The following STXBP5 variants were observed in gnomAD, a reference collection of about 807,000 sequenced individuals.
The protein encoded by STXBP5 is syntaxin-binding protein 5.
In STXBP5, 50 loss-of-function variants were observed where a neutral mutation model predicts 152.4. The ratio of observed to expected loss-of-function variants is 0.33; its 90% CI spans 0.26 to 0.42. The LOEUF (loss-of-function observed/expected upper bound fraction) is 0.42. Among genes scored for constraint, STXBP5 ranks in the 10% least tolerant of loss-of-function variants. The pLI, the probability that STXBP5 is intolerant of heterozygous loss-of-function variation, is 1.00. For missense variants in STXBP5, 1,167 were observed against 1,388.6 expected, an observed-to-expected ratio of 0.84 and a Z score of 2.54; for synonymous variants, 492 against 494.7, an observed-to-expected ratio of 0.99 and a Z score of 0.07.
At chr6:147,318,096 C>T (rs1782731696) in intron 16 of STXBP5, among the ~76,000 whole-genome samples, 1 of 152,098 alleles carries the variant, frequency 6.6e-6, no homozygotes, top group South Asian at 2.1e-4. Context: ...CTGATGCCTC[C>T]AAGTTTTTTA....
At chr6:147,348,561 T>G (rs1784445009) in intron 21 of STXBP5, among the ~76,000 whole-genome samples, 1 of 152,150 alleles carries the variant, frequency 6.6e-6, no homozygotes, top group African/African-American at 2.4e-5. Context: ...GTTACATATG[T>G]TTTTCTTTGT....
rs1388260437 is a variant in STXBP5 at position 147,339,309 on chromosome 6, A to G, written c.2207-28A>G. On this transcript the variant is annotated intron_variant, in intron 20 of 27. Coordinates refer to ENST00000321680, the MANE Select transcript of STXBP5 (RefSeq NM_001127715.4). ...TTTAGTTTACTTTGACTAGATTTTG[A>G]CATTTTATATCAAAATATTGTTTTC... 4.4e-5 allele frequency: 67 copies of G among 1,515,002 alleles called. No individual in the cohort carries two copies. In the East Asian group the frequency reaches 1.6e-3, roughly 37 times the overall value. 93.8% of individuals were successfully genotyped at this position (1,515,002 alleles called of 1,614,324 possible).
In STXBP5 at chr6:147,384,778, A is replaced by C; in HGVS notation, c.*23A>C. On this transcript the variant is annotated 3_prime_UTR_variant, in exon 28 of 28. Transcript: ENST00000321680. ...TGACAACCAGAATCCAATAAGTCCA[A>C]CTTCAGCCAGAAGGAAAAAAGTTTT... The C allele has an allele frequency of 6.2e-7, 1 of 1,602,702 alleles. No homozygotes were observed. Among genetic ancestry groups the C allele is most frequent in the Non-Finnish European group, 8.5e-7 (1 of 1,176,494 alleles).
intron 19 of STXBP5, among the ~76,000 whole-genome samples, chr6:147,335,451 A>G (rs1365553191): frequency 6.6e-6 from 1 of 152,218 alleles, no homozygotes; most frequent in Non-Finnish European, 1.5e-5. Context: ...AACAATTTGG[A>G]CATGGAACAT....
chr6:147,251,040 A>C (rs1779062208), intron 4 of STXBP5, among the ~76,000 whole-genome samples: 1 of 151,914 alleles, frequency 6.6e-6, no homozygotes, highest in East Asian at 1.9e-4. Context: ...GCTCCCAGCA[A>C]GATCAACACA....
intron 9 of STXBP5, chr6:147,292,409 T>C: frequency 3.3e-6 from 1 of 299,260 alleles, no homozygotes. Context: ...TTTTCCTCAC[T>C]TATGACATAG....
chr6:147,236,959 G>A (rs1582823725), intron 3 of STXBP5, among the ~76,000 whole-genome samples: 1 of 152,082 alleles, frequency 6.6e-6, no homozygotes, highest in South Asian at 2.1e-4. Context: ...TGTATTTTTA[G>A]TAGAGACAGG....
At chr6:147,290,313 G>T (rs1781214604) in intron 8 of STXBP5, among the ~76,000 whole-genome samples, 1 of 152,180 alleles carries the variant, frequency 6.6e-6, no homozygotes, top group Admixed American at 6.5e-5. Context: ...TGTGACAAGT[G>T]CTATGGAGAA....
At chr6:147,322,466 C>T (rs1425764524) in intron 16 of STXBP5, among the ~76,000 whole-genome samples, 1 of 152,190 alleles carries the variant, frequency 6.6e-6, no homozygotes. Context: ...GAACAACTTT[C>T]GCTGTTTCCT....
At chr6:147,330,556 TAGTC>T (rs1783517180) in intron 18 of STXBP5, among the ~76,000 whole-genome samples, 1 of 152,302 alleles carries the variant, frequency 6.6e-6, no homozygotes, top group African/African-American at 2.4e-5. Flanking sequence ...AGGCACTAAT[TAGTC>T]AGAATTCTAG....
intron 4 of STXBP5, among the ~76,000 whole-genome samples, chr6:147,253,964 C>T (rs1421309942): frequency 2.0e-5 from 3 of 151,954 alleles, no homozygotes; most frequent in Non-Finnish European, 4.4e-5. Context: ...TATGTGGAAC[C>T]AAAAAGCCCG....
chr6:147,260,582 A>C (rs1461253440), intron 4 of STXBP5, 33 bp from the exon 5 acceptor site: 2 of 1,612,900 alleles, frequency 1.2e-6, no homozygotes, highest in East Asian at 2.2e-5. Flanking sequence ...CCATTTTTCA[A>C]ATTTCTTTTT....
chr6:147,362,248 C>CATT (rs1785101297), intron 23 of STXBP5, among the ~76,000 whole-genome samples: 2 of 152,054 alleles, frequency 1.3e-5, no homozygotes, highest in Admixed American at 1.3e-4. Context: ...GAGAAAACAT[C>CATT]AGGAACTCTT....
intron 2 of STXBP5, among the ~76,000 whole-genome samples, chr6:147,223,976 G>T (rs375508188): frequency 6.6e-6 from 1 of 152,190 alleles, no homozygotes; most frequent in Admixed American, 6.5e-5. Context: ...TGGAGACAGG[G>T]CTGTGAAACT....
chr6:147,381,781 A>C (rs1786096891), intron 26 of STXBP5, among the ~76,000 whole-genome samples: 1 of 152,154 alleles, frequency 6.6e-6, no homozygotes, highest in Non-Finnish European at 1.5e-5. Flanking sequence ...CCAGCTACAA[A>C]AGGCCACCTA....
chr6:147,275,077 C>G (rs1780371814), intron 7 of STXBP5, among the ~76,000 whole-genome samples: 1 of 152,066 alleles, frequency 6.6e-6, no homozygotes, highest in Admixed American at 6.6e-5. Flanking sequence ...GAAAATTATT[C>G]TACAAGATGC....
Position 147,260,814 on chromosome 6 carries a change from C to T in STXBP5, c.566+65C>T, listed in dbSNP as rs183519524. On this transcript the variant is annotated intron_variant, in intron 5 of 27. Coordinates refer to ENST00000321680, the MANE Select transcript of STXBP5 (RefSeq NM_001127715.4). ...TCTATATATAATAATACCGTTACAT[C>T]ATAGCCAATCAGTAAATCTGTATGG... is the stretch of plus-strand genomic sequence containing the variant. 7.3e-6 allele frequency: 11 copies of T among 1,516,646 alleles called. No homozygotes were observed. The African/African-American group carries it at 1.4e-4, about 19-fold the overall frequency. 93.9% of individuals were successfully genotyped at this position (1,516,646 alleles called of 1,614,324 possible). A position where few individuals can be genotyped will look rare whatever the true frequency, so the allele number is the denominator to read the frequency against.
intron 2 of STXBP5, among the ~76,000 whole-genome samples, chr6:147,213,106 A>G (rs1360015820): frequency 6.6e-6 from 1 of 152,112 alleles, no homozygotes. Flanking sequence ...AAATTTGGTA[A>G]TTGTATAGTG....
chr6:147,223,420 A>C lies in STXBP5; in HGVS notation c.249-11830A>C, dbSNP rs188785958. On this transcript the variant is annotated intron_variant, in intron 2 of 27. Transcript: ENST00000321680. ...TCAGTCAGAAGCTAATTTAGATGAG[A>C]GTAGAAAATTATTAAACATTTGGAA... Among the ~76,000 whole-genome samples, 259 of 152,322 alleles carry C rather than the reference A, an allele frequency of 1.7e-3. 1 individual carries two copies. The highest frequency in any genetic ancestry group is 4.0e-3 in the East Asian group (21 of 5,186).
Sources: gnomAD v4.1 joint callset for allele counts (sites outside exome capture counted in the v4.1 genomes callset) on GRCh38, gnomAD v4.1.1 for gene constraint, MANE v1.5 for transcripts, NCBI Gene and HGNC (gene_info 2026-07-23, HGNC 2026-07-21) for gene names.